The following PABPC4L variants were observed in gnomAD, a reference collection of about 807,000 sequenced individuals.
The protein encoded by PABPC4L is polyadenylate-binding protein 4-like.
For synonymous variants in PABPC4L, 169 were observed against 164.1 expected (o/e 1.03, Z -0.23); for missense variants, 452 against 451.4 (o/e 1.00, Z -0.01).
At chr4:134,147,176 C>T in the PABPC4L span, among the ~76,000 whole-genome samples, 1 of 152,062 alleles carries the variant, frequency 6.6e-6, no homozygotes, top group Non-Finnish European at 1.5e-5. Context: ...CAAATTTCAG[C>T]TTGTGTTAGA....
At chr4:133,990,627 A>T in the PABPC4L span, among the ~76,000 whole-genome samples, 2 of 152,202 alleles carry the variant, frequency 1.3e-5, no homozygotes, top group East Asian at 1.9e-4. Flanking sequence ...ATGCAGCAGC[A>T]GCAACAGCAG....
the PABPC4L span, among the ~76,000 whole-genome samples, chr4:134,023,583 C>A: frequency 5.9e-5 from 9 of 151,860 alleles, no homozygotes; most frequent in East Asian, 1.9e-4. Context: ...TAAATGTATT[C>A]CCAATTTCAA....
At chr4:134,146,095 G>A in the PABPC4L span, among the ~76,000 whole-genome samples, 1 of 151,446 alleles carries the variant, frequency 6.6e-6, no homozygotes, top group Non-Finnish European at 1.5e-5. Context: ...AATAAAATTA[G>A]TAAAATGTAC....
At chr4:134,093,262 T>C in the PABPC4L span, among the ~76,000 whole-genome samples, 1 of 151,784 alleles carries the variant, frequency 6.6e-6, no homozygotes, top group Non-Finnish European at 1.5e-5. Context: ...TTATTTCTGG[T>C]TTTTGAGCTG....
At chr4:134,165,341 G>C in the PABPC4L span, among the ~76,000 whole-genome samples, 991 of 152,142 alleles carry the variant, frequency 6.5e-3, 9 homozygotes, top group African/African-American at 0.022. Flanking sequence ...TCATAGTAAA[G>C]AGAAAACCCA....
the PABPC4L span, among the ~76,000 whole-genome samples, chr4:134,018,975 CCCTT>C: frequency 6.6e-6 from 1 of 152,058 alleles, no homozygotes; most frequent in South Asian, 2.1e-4. Flanking sequence ...TGTGTTATTT[CCCTT>C]CCAAGTGTGA....
chr4:134,198,522 GAAT>G lies in PABPC4L; in HGVS notation c.*1382_*1384del, dbSNP rs1360517229. ...TAGTAATATATGAAATAGAGAATGT[GAAT>G]AATAGTTATGAGAAAAAACTAAGCC... On this transcript the variant is annotated 3_prime_UTR_variant, in exon 2 of 2. Transcript: ENST00000421491. 2.2e-5 allele frequency: 3 copies of G among 133,878 alleles called. No individual in the cohort carries two copies. The highest frequency in any genetic ancestry group is 6.1e-5 in the African/African-American group (2 of 32,998). 8.3% of individuals were successfully genotyped at this position (133,878 alleles called of 1,614,324 possible).
chr4:133,961,336 A>C, the PABPC4L span, among the ~76,000 whole-genome samples: 4 of 152,128 alleles, frequency 2.6e-5, no homozygotes, highest in African/African-American at 9.7e-5. Context: ...CTCAGCTGTC[A>C]GTGAGAGACA....
chr4:134,129,362 G>A, the PABPC4L span, among the ~76,000 whole-genome samples: 1 of 152,010 alleles, frequency 6.6e-6, no homozygotes, highest in South Asian at 2.1e-4. Flanking sequence ...CCCAACAGCT[G>A]CAGAATATAC....
At chr4:134,146,911 A>C in the PABPC4L span, among the ~76,000 whole-genome samples, 1 of 152,180 alleles carries the variant, frequency 6.6e-6, no homozygotes, top group South Asian at 2.1e-4. Context: ...TCAGTTTTTC[A>C]GGCTTTAAAC....
At chr4:134,105,557 G>C in the PABPC4L span, among the ~76,000 whole-genome samples, 1 of 151,156 alleles carries the variant, frequency 6.6e-6, no homozygotes, top group Admixed American at 6.6e-5. Context: ...AAAAGCTTTG[G>C]GTATTAAAAA....
At chr4:133,952,624 G>A in the PABPC4L span, among the ~76,000 whole-genome samples, 6 of 151,940 alleles carry the variant, frequency 3.9e-5, no homozygotes, top group African/African-American at 1.2e-4. Flanking sequence ...ACTATTTTTC[G>A]TGGTTGTTTT....
chr4:133,972,942 C>T, the PABPC4L span, among the ~76,000 whole-genome samples: 6 of 152,156 alleles, frequency 3.9e-5, no homozygotes, highest in East Asian at 1.9e-4. Context: ...AACACAGAAG[C>T]GAGATGGCAG....
the PABPC4L span, among the ~76,000 whole-genome samples, chr4:134,166,283 A>G: frequency 6.6e-6 from 1 of 152,356 alleles, no homozygotes; most frequent in East Asian, 1.9e-4. Flanking sequence ...TGTTGACATA[A>G]ATAAATAAAT....
chr4:134,033,020 C>CT, the PABPC4L span, among the ~76,000 whole-genome samples: 456 of 138,850 alleles, frequency 3.3e-3, no homozygotes, highest in Admixed American at 4.8e-3. Context: ...CACAAGTATC[C>CT]TTTTTTTTTT....
At chr4:134,115,198 T>A in the PABPC4L span, among the ~76,000 whole-genome samples, 6 of 151,874 alleles carry the variant, frequency 4.0e-5, no homozygotes, top group Non-Finnish European at 8.8e-5. Flanking sequence ...GAAATCAAAA[T>A]GTATTTATTC....
At chr4:134,159,185 A>C in the PABPC4L span, among the ~76,000 whole-genome samples, 1 of 152,200 alleles carries the variant, frequency 6.6e-6, no homozygotes, top group Non-Finnish European at 1.5e-5. Context: ...AACACTGTTC[A>C]CTTAAACTAC....
chr4:134,060,054 C>A, the PABPC4L span, among the ~76,000 whole-genome samples: 2 of 151,974 alleles, frequency 1.3e-5, no homozygotes, highest in Non-Finnish European at 2.9e-5. Flanking sequence ...ACAGTGATTG[C>A]GAGACATTGC....
chr4:134,123,973 G>A, the PABPC4L span, among the ~76,000 whole-genome samples: 9 of 152,000 alleles, frequency 5.9e-5, no homozygotes, highest in Non-Finnish European at 1.2e-4. Flanking sequence ...AGAAAGAAGT[G>A]TTCAAAAGTA....
Sources: gnomAD v4.1 joint callset for allele counts (sites outside exome capture counted in the v4.1 genomes callset) on GRCh38, gnomAD v4.1.1 for gene constraint, MANE v1.5 for transcripts, NCBI Gene and HGNC (gene_info 2026-07-23, HGNC 2026-07-21) for gene names.